GSE1: variants seen among roughly 807,000 people sequenced by gnomAD.
The protein encoded by GSE1 is Gse1 coiled-coil protein.
In GSE1, 32 loss-of-function variants were observed where a neutral mutation model predicts 112.6. The ratio of observed to expected loss-of-function variants is 0.28; its 90% CI spans 0.21 to 0.38. The LOEUF (loss-of-function observed/expected upper bound fraction) is 0.38. GSE1 is among the 10% of genes least tolerant of loss of function. The probability of loss-of-function intolerance (pLI) is 1.00; values close to 1 mark genes in which losing one functional copy is unlikely to be tolerated. For synonymous variants in GSE1, 1,115 were observed against 735.6 expected, an observed-to-expected ratio of 1.52 and a Z score of -8.35; for missense variants, 2,348 against 1,699.2, an observed-to-expected ratio of 1.38 and a Z score of -6.71.
chr16:85,249,444 C>T (rs962292577), intron 1 of GSE1, among the ~76,000 whole-genome samples: 6 of 152,218 alleles, frequency 3.9e-5, no homozygotes, highest in South Asian at 4.1e-4. Context: ...GTGAGGCTGC[C>T]GTCAGCCCGT....
chr16:85,331,323 CTGTGTGTG>C (rs71151278), intron 1 of GSE1, among the ~76,000 whole-genome samples: 5,241 of 83,778 alleles, frequency 0.063, 608 homozygotes, highest in African/African-American at 0.12. Flanking sequence ...CAGCTAATTT[CTGTGTGTG>C]TGTGTGTGTG....
At chr16:85,637,688 C>A (rs1363933313) in intron 2 of GSE1, among the ~76,000 whole-genome samples, 1 of 151,840 alleles carries the variant, frequency 6.6e-6, no homozygotes, top group Non-Finnish European at 1.5e-5. Flanking sequence ...GAATTCCAAT[C>A]CCCAGCTTGT....
chr16:85,425,907 G>A (rs768160514), intron 2 of GSE1, among the ~76,000 whole-genome samples: 9 of 152,226 alleles, frequency 5.9e-5, no homozygotes, highest in Non-Finnish European at 1.0e-4. Flanking sequence ...GGCATGGAGC[G>A]GTGGAGTTTC....
chr16:85,353,456 A>ACGTTCCCATCAAAAG (rs74276412), intron 1 of GSE1, among the ~76,000 whole-genome samples: 109,770 of 151,664 alleles, frequency 0.72, 40,115 homozygotes, highest in African/African-American at 0.81. Flanking sequence ...GCATCATTTT[A>ACGTTCCCATCAAAAG]CGTTCCCATC....
chr16:85,454,492 C>T (rs1354042844), intron 2 of GSE1, among the ~76,000 whole-genome samples: 1 of 152,382 alleles, frequency 6.6e-6, no homozygotes, highest in East Asian at 1.9e-4. Flanking sequence ...TTCCCTGGAG[C>T]ATCCATGCAG....
intron 1 of GSE1, among the ~76,000 whole-genome samples, chr16:85,341,926 G>C (rs1317192718): frequency 6.6e-6 from 1 of 152,108 alleles, no homozygotes; most frequent in Non-Finnish European, 1.5e-5. Context: ...CTCAGTCCCT[G>C]GGCCTTTGGG....
chr16:85,665,800 C>G (rs1330453612), intron 12 of GSE1, among the ~76,000 whole-genome samples, 176 bp from the exon 13 acceptor site: 2 of 152,226 alleles, frequency 1.3e-5, no homozygotes, highest in African/African-American at 4.8e-5. Context: ...ACTAAACACC[C>G]CACTGTCTTC....
chr16:85,382,736 T>C (rs1049979416), intron 2 of GSE1, among the ~76,000 whole-genome samples: 1 of 149,726 alleles, frequency 6.7e-6, no homozygotes, highest in Non-Finnish European at 1.5e-5. Context: ...CACAGCCATG[T>C]GCACACTCAA....
At chr16:85,454,416 C>T (rs2049768559) in intron 2 of GSE1, among the ~76,000 whole-genome samples, 2 of 152,260 alleles carry the variant, frequency 1.3e-5, no homozygotes. Flanking sequence ...GGGTGGCCAG[C>T]CAGGCTTGCC....
chr16:85,637,554 G>C (rs2050105960), intron 2 of GSE1, among the ~76,000 whole-genome samples: 1 of 152,098 alleles, frequency 6.6e-6, no homozygotes, highest in Admixed American at 6.5e-5. Context: ...CGCGGCAGTG[G>C]CTGTGTATCG....
chr16:85,263,283 A>G (rs994936277), intron 1 of GSE1, among the ~76,000 whole-genome samples: 2 of 151,990 alleles, frequency 1.3e-5, no homozygotes, highest in African/African-American at 4.8e-5. Context: ...TTAGAAATAC[A>G]CAGCCTATTA....
In GSE1 at chr16:85,675,083, C is replaced by G. The variant is rs888056318; in HGVS notation, c.*2544C>G. The G allele has an allele frequency of 6.6e-6, 1 of 152,288 alleles. No homozygotes were observed. Among genetic ancestry groups the G allele is most frequent in the Non-Finnish European group, 1.5e-5 (1 of 68,040 alleles). 9.4% of individuals were successfully genotyped at this position (152,288 alleles called of 1,614,324 possible). A position where few individuals can be genotyped will look rare whatever the true frequency, so the allele number is the denominator to read the frequency against. On this transcript the variant is annotated 3_prime_UTR_variant, in exon 16 of 16. Transcript: ENST00000253458. ...GTTTCATACTTTGAAAACTTACTTT[C>G]AGATTATTCTCAAAGAACACAGTAG...
chr16:85,461,807 C>T (rs1376719960), intron 2 of GSE1, among the ~76,000 whole-genome samples: 3 of 152,176 alleles, frequency 2.0e-5, no homozygotes, highest in African/African-American at 4.8e-5. Flanking sequence ...TATTCCATCC[C>T]CGCGGCTGGG....
At chr16:85,455,473 G>T (rs2049801213) in intron 2 of GSE1, among the ~76,000 whole-genome samples, 1 of 152,036 alleles carries the variant, frequency 6.6e-6, no homozygotes, top group African/African-American at 2.4e-5. Context: ...AAGCTGGGGT[G>T]TTGTAACAGC....
chr16:85,432,943 G>A (rs879332043), intron 2 of GSE1, among the ~76,000 whole-genome samples: 2 of 152,116 alleles, frequency 1.3e-5, no homozygotes, highest in Non-Finnish European at 2.9e-5. Context: ...GATAGGGACT[G>A]ATCTGGCATC....
intron 1 of GSE1, among the ~76,000 whole-genome samples, chr16:85,307,441 C>T (rs1318780552): frequency 2.6e-5 from 4 of 152,136 alleles, no homozygotes; most frequent in South Asian, 2.1e-4. Flanking sequence ...AACTGGCAGC[C>T]GAAAGCTGCA....
At chr16:85,526,419 G>A (rs1014000671) in intron 2 of GSE1, among the ~76,000 whole-genome samples, 1 of 152,248 alleles carries the variant, frequency 6.6e-6, no homozygotes, top group African/African-American at 2.4e-5. Context: ...TGAGAAGAAC[G>A]GCCAGTCCCA....
chr16:85,509,374 A>C (rs575126278), intron 2 of GSE1, among the ~76,000 whole-genome samples: 1 of 152,078 alleles, frequency 6.6e-6, no homozygotes, highest in Non-Finnish European at 1.5e-5. Context: ...ACAATGGGGG[A>C]GTGGCTGGCT....
intron 1 of GSE1, among the ~76,000 whole-genome samples, chr16:85,206,367 C>T (rs1169038045): frequency 2.0e-5 from 3 of 152,160 alleles, no homozygotes; most frequent in Non-Finnish European, 4.4e-5. Context: ...CACATCTGCC[C>T]TTTGAGAAGC....
Sources: allele counts gnomAD v4.1 joint callset (sites outside exome capture counted in the v4.1 genomes callset), GRCh38; gene constraint gnomAD v4.1.1; transcripts MANE v1.5; gene names NCBI Gene and HGNC (gene_info 2026-07-23, HGNC 2026-07-21).